Variants in AAGAB observed in about 807,000 individuals in gnomAD.
AAGAB encodes the protein alpha and gamma adaptin binding protein.
Under a neutral mutation model 44.1 loss-of-function variants are expected in AAGAB, and 38 were observed. That is an observed-to-expected ratio of 0.86 (90% CI 0.67 to 1.13). AAGAB has a LOEUF of 1.13. Among genes scored for constraint, AAGAB ranks in the 50% most tolerant of loss-of-function variants. AAGAB has a pLI of 0.00. For synonymous variants in AAGAB, 131 were observed against 131.8 expected, an observed-to-expected ratio of 0.99 and a Z score of 0.04; for missense variants, 450 against 373.8, an observed-to-expected ratio of 1.20 and a Z score of -1.68.
chr15:67,225,675 T>C (rs1404684217), intron 5 of AAGAB, among the ~76,000 whole-genome samples: 1 of 152,218 alleles, frequency 6.6e-6, no homozygotes, highest in East Asian at 1.9e-4. Context: ...CGGGCTTTTT[T>C]CACTTAGCAT....
chr15:67,230,402 G>A (rs1857412591), intron 5 of AAGAB, among the ~76,000 whole-genome samples: 1 of 152,152 alleles, frequency 6.6e-6, no homozygotes, highest in Admixed American at 6.5e-5. Context: ...GCAGTAGGTA[G>A]ATCCCTACTT....
At chr15:67,222,282 A>ACACACACC (rs796412643) in intron 5 of AAGAB, among the ~76,000 whole-genome samples, 1,696 of 139,682 alleles carry the variant, frequency 0.012, 38 homozygotes, top group East Asian at 0.042. Context: ...ACACACACAC[A>ACACACACC]CCCTCCACCC....
At chr15:67,228,210 T>A (rs1964249374) in intron 5 of AAGAB, among the ~76,000 whole-genome samples, 1 of 152,200 alleles carries the variant, frequency 6.6e-6, no homozygotes, top group Non-Finnish European at 1.5e-5. Flanking sequence ...TTTCAAAAAG[T>A]GAATAAAGCC....
chr15:67,227,081 A>G (rs1964222179), intron 5 of AAGAB: 1 of 158,738 alleles, frequency 6.3e-6, no homozygotes, highest in Admixed American at 6.6e-5. Context: ...TATTTTTAAA[A>G]GAGTTTCAAA....
At position 67,202,916 on chromosome 15, in the gene AAGAB, C is replaced by G; in HGVS notation, c.871-18G>C. 6.2e-7 allele frequency: 1 copy of G among 1,613,264 alleles called. No individual in the cohort carries two copies. The highest frequency in any genetic ancestry group is 8.5e-7 in the Non-Finnish European group (1 of 1,179,226). On this transcript the variant is annotated intron_variant, in intron 9 of 9. Transcript: ENST00000261880. ...TTGGCCACCTGTGGAGAGAAGCATG[C>G]AACAAATTTTAGGCAACAGCTACAT...
chr15:67,213,295 C>T (rs1272974838), intron 5 of AAGAB, among the ~76,000 whole-genome samples: 3 of 152,124 alleles, frequency 2.0e-5, no homozygotes, highest in African/African-American at 7.2e-5. Flanking sequence ...AGAAACAAAA[C>T]TATAGCCTCT....
chr15:67,246,899 C>T (rs144061905), intron 1 of AAGAB, among the ~76,000 whole-genome samples: 1,911 of 152,320 alleles, frequency 0.013, 45 homozygotes, highest in African/African-American at 0.044. Flanking sequence ...TAAAAGCTGG[C>T]CACCCAAGCC....
In AAGAB at chr15:67,202,901, G is replaced by A. The variant is rs1963599604; in HGVS notation, c.871-3C>T. ...GCCATCCAGAATGCTTTGGCCACCT[G>A]TGGAGAGAAGCATGCAACAAATTTT... is the stretch of plus-strand genomic sequence containing the variant. On this transcript the variant is annotated splice_polypyrimidine_tract_variant and splice_region_variant and intron_variant, in intron 9 of 9. Transcript: ENST00000261880. The A allele has an allele frequency of 1.2e-6, 2 of 1,614,002 alleles. No homozygotes were observed. The highest frequency in any genetic ancestry group is 1.7e-6 in the Non-Finnish European group (2 of 1,179,904).
At chr15:67,240,846 G>A (rs1157344051) in intron 1 of AAGAB, among the ~76,000 whole-genome samples, 1 of 152,142 alleles carries the variant, frequency 6.6e-6, no homozygotes. Flanking sequence ...GCTTTCTACT[G>A]TTCCCTGCAT....
rs1329712253 is a variant in AAGAB, at chr15:67,253,271, G to A, written c.73+1288C>T. Among the ~76,000 whole-genome samples, 81 of 147,112 alleles carry A rather than the reference G, an allele frequency of 5.5e-4. 1 individual carries two copies. In the Middle Eastern group the frequency reaches 0.011, roughly 19 times the overall value. On this transcript the variant is annotated intron_variant, in intron 1 of 9. Coordinates refer to ENST00000261880, the MANE Select transcript of AAGAB (RefSeq NM_024666.5). ...CAAACCCCGTATGACGGGGGGGGGG[G>A]GGGGCAATTAGCCGGGCGTGGTGGC...
chr15:67,242,198 T>C (rs920066360), intron 1 of AAGAB, among the ~76,000 whole-genome samples: 1 of 135,536 alleles, frequency 7.4e-6, no homozygotes, highest in African/African-American at 2.6e-5. Flanking sequence ...CCGAGGCGGG[T>C]GGATCATGAG....
chr15:67,225,074 T>TA (rs1227784492), intron 5 of AAGAB, among the ~76,000 whole-genome samples: 1 of 152,168 alleles, frequency 6.6e-6, no homozygotes, highest in Non-Finnish European at 1.5e-5. Flanking sequence ...CGGAGGCACT[T>TA]AAAAAATACT....
At chr15:67,227,531 T>G (rs1039515801) in intron 5 of AAGAB, among the ~76,000 whole-genome samples, 5 of 151,048 alleles carry the variant, frequency 3.3e-5, no homozygotes, top group African/African-American at 1.2e-4. Context: ...GGGGAGAAAA[T>G]AAAAAAGAAA....
chr15:67,246,834 A>G (rs1244691055), intron 1 of AAGAB, among the ~76,000 whole-genome samples: 1 of 152,216 alleles, frequency 6.6e-6, no homozygotes, highest in East Asian at 1.9e-4. Flanking sequence ...TGCACCAATC[A>G]GCATTCTGTA....
intron 1 of AAGAB, among the ~76,000 whole-genome samples, chr15:67,251,205 ATTTT>A (rs989169405): frequency 1.3e-5 from 2 of 150,682 alleles, no homozygotes; most frequent in Non-Finnish European, 3.0e-5. Flanking sequence ...ACTGATTCTT[ATTTT>A]AAGTGCGTGT....
chr15:67,251,912 C>T (rs1032909846), intron 1 of AAGAB, among the ~76,000 whole-genome samples: 1 of 152,206 alleles, frequency 6.6e-6, no homozygotes. Context: ...CTATTCACAA[C>T]CTTGGAAGAA....
intron 1 of AAGAB, among the ~76,000 whole-genome samples, chr15:67,253,260 C>CG (rs35166457): frequency 1.0e-3 from 82 of 81,886 alleles, no homozygotes; most frequent in African/African-American, 1.6e-3. Flanking sequence ...CCCCGTATGA[C>CG]GGGGGGGGGG....
chr15:67,225,353 C>T (rs187835921), intron 5 of AAGAB, among the ~76,000 whole-genome samples: 8 of 152,302 alleles, frequency 5.3e-5, no homozygotes, highest in African/African-American at 1.7e-4. Context: ...TCTACTATTA[C>T]CATTATTATC....
intron 1 of AAGAB, among the ~76,000 whole-genome samples, chr15:67,240,743 G>C (rs576934283): frequency 6.6e-6 from 1 of 152,280 alleles, no homozygotes; most frequent in African/African-American, 2.4e-5. Context: ...CATATGGTAA[G>C]TTACAGGAAA....
Sources: gnomAD v4.1 joint callset for allele counts (sites outside exome capture counted in the v4.1 genomes callset) on GRCh38, gnomAD v4.1.1 for gene constraint, MANE v1.5 for transcripts, NCBI Gene and HGNC (gene_info 2026-07-23, HGNC 2026-07-21) for gene names.